COL26A1: variants seen among roughly 807,000 people sequenced by gnomAD.
The protein encoded by COL26A1 is collagen alpha-1(XXVI) chain.
COL26A1 carries 41 observed loss-of-function variants against 59.3 expected under a neutral mutation model. That is an observed-to-expected ratio of 0.69 (90% CI 0.54 to 0.90). The LOEUF (loss-of-function observed/expected upper bound fraction) is 0.90, where lower values mean the gene tolerates loss of function less well. Ranked by LOEUF, COL26A1 falls within the 40% of genes least tolerant of loss-of-function variation. The pLI is 0.00. For synonymous variants in COL26A1, 266 were observed against 256.0 expected, an observed-to-expected ratio of 1.04 and a Z score of -0.37; for missense variants, 612 against 602.3, an observed-to-expected ratio of 1.02 and a Z score of -0.17.
chr7:101,536,848 A>G (rs1165921723), intron 4 of COL26A1, among the ~76,000 whole-genome samples: 1 of 152,176 alleles, frequency 6.6e-6, no homozygotes, highest in African/African-American at 2.4e-5. Flanking sequence ...ATGCCTCATG[A>G]TTATAAAGTG....
chr7:101,413,568 A>G (rs556195879), intron 1 of COL26A1, among the ~76,000 whole-genome samples: 1 of 152,210 alleles, frequency 6.6e-6, no homozygotes, highest in East Asian at 1.9e-4. Context: ...AAAAGAAGAA[A>G]GAAAAGAAAA....
At chr7:101,362,666 G>T (rs1790916749), upstream of COL26A1, among the ~76,000 whole-genome samples, 1 of 152,224 alleles carries the variant, frequency 6.6e-6, no homozygotes, top group African/African-American at 2.4e-5. Flanking sequence ...AAGGTTCTAA[G>T]GTGTGTAGCG....
chr7:101,550,987 C>A, intron 9 of COL26A1, 121 bp from the exon 10 acceptor site: 2 of 1,158,234 alleles, frequency 1.7e-6, no homozygotes, highest in Non-Finnish European at 2.5e-6. Flanking sequence ...CCGGGCCATC[C>A]TCCTCTCCCT....
chr7:101,378,687 G>A (rs1441808476), intron 1 of COL26A1, among the ~76,000 whole-genome samples: 1 of 152,030 alleles, frequency 6.6e-6, no homozygotes, highest in African/African-American at 2.4e-5. Context: ...TTGCACTCAT[G>A]ACTGAGTGGT....
At chr7:101,458,895 G>A (rs1355030259) in intron 3 of COL26A1, among the ~76,000 whole-genome samples, 1 of 149,926 alleles carries the variant, frequency 6.7e-6, no homozygotes, top group Non-Finnish European at 1.5e-5. Flanking sequence ...TTGAACTCCT[G>A]GGCTCGAGCA....
chr7:101,444,528 C>A (rs1328438874), intron 2 of COL26A1, among the ~76,000 whole-genome samples: 2 of 151,530 alleles, frequency 1.3e-5, no homozygotes, highest in Admixed American at 1.3e-4. Flanking sequence ...GATTCTCCTG[C>A]GTCAACCTCC....
At chr7:101,487,841 G>T (rs1257811328) in intron 3 of COL26A1, among the ~76,000 whole-genome samples, 2 of 152,130 alleles carry the variant, frequency 1.3e-5, no homozygotes, top group Non-Finnish European at 2.9e-5. Flanking sequence ...TGATTTTCCA[G>T]ACCACAAAGT....
chr7:101,438,549 C>T (rs1228536146), intron 2 of COL26A1, among the ~76,000 whole-genome samples: 1 of 151,546 alleles, frequency 6.6e-6, no homozygotes, highest in African/African-American at 2.4e-5. Context: ...CACCTACCTG[C>T]CGCACAGTCT....
chr7:101,408,814 C>A (rs1219490780), intron 1 of COL26A1, among the ~76,000 whole-genome samples: 1 of 152,110 alleles, frequency 6.6e-6, no homozygotes, highest in Non-Finnish European at 1.5e-5. Context: ...GATCCCAACT[C>A]TCTCCTAAGA....
At chr7:101,534,271 A>G (rs114547265) in intron 4 of COL26A1, among the ~76,000 whole-genome samples, 18,611 of 142,328 alleles carry the variant, frequency 0.13, 1,488 homozygotes, top group African/African-American at 0.25. Context: ...GAGTGTGTGA[A>G]CAGGGCCACG....
chr7:101,523,550 G>A (rs1795181238), intron 3 of COL26A1, among the ~76,000 whole-genome samples: 1 of 152,012 alleles, frequency 6.6e-6, no homozygotes, highest in Non-Finnish European at 1.5e-5. Flanking sequence ...ATTGACTTTT[G>A]CACGTGGTAT....
At position 101,539,927 on chromosome 7, in the gene COL26A1, G is replaced by C; in HGVS notation, c.482G>C (p.Ser161Thr). The C allele has an allele frequency of 6.2e-7, 1 of 1,613,440 alleles. No individual in the cohort carries two copies. The highest frequency in any genetic ancestry group is 8.5e-7 in the Non-Finnish European group (1 of 1,179,702). The stretch of plus-strand genomic sequence containing the variant: ...CTAGAAGCAGCAGAACGGCCCTCCA[G>C]CCCGGACAACGACCTGCCAGCCCCC... The part of the protein sequence containing the change: ...LLLEAAERPS[S>T]PDNDLPAPES... The change falls in exon 5 of 13, where the codon AGC becomes ACC. Residue 161 changes from serine (S) to threonine (T), a missense_variant. By Grantham distance (58) the Ser-to-Thr change is moderately conservative (BLOSUM62 1). Coordinates refer to ENST00000313669, the MANE Select transcript of COL26A1 (RefSeq NM_001278563.3).
upstream of COL26A1, chr7:101,362,681 C>T: frequency 2.7e-6 from 1 of 366,950 alleles, no homozygotes; most frequent in South Asian, 3.5e-5. Flanking sequence ...GTAGCGGGGG[C>T]CTGGGCGCGA....
chr7:101,517,797 C>CCTT, intron 3 of COL26A1, among the ~76,000 whole-genome samples: 1 of 116,642 alleles, frequency 8.6e-6, no homozygotes, highest in Non-Finnish European at 1.8e-5. Flanking sequence ...CTTCTCCCCG[C>CCTT]ATTTTTTTTT....
chr7:101,367,694 A>G (rs1791083098), intron 1 of COL26A1, among the ~76,000 whole-genome samples: 1 of 150,328 alleles, frequency 6.7e-6, no homozygotes, highest in African/African-American at 2.4e-5. Context: ...AAAAAGAAGA[A>G]GAGAAATCAG....
intron 3 of COL26A1, among the ~76,000 whole-genome samples, chr7:101,504,653 G>A (rs1363459052): frequency 6.6e-6 from 1 of 152,160 alleles, no homozygotes; most frequent in African/African-American, 2.4e-5. Context: ...CCTTCTCCAG[G>A]GCACCCAGAG....
rs777241803 is a variant in COL26A1, at chr7:101,416,202, T to C, written c.159-3775T>C. On this transcript the variant is annotated intron_variant, in intron 1 of 12. Coordinates refer to ENST00000313669, the MANE Select transcript of COL26A1 (RefSeq NM_001278563.3). ...TGAGCCCAGGAGTTTGAGACCAGCC[T>C]GGGCAACATAGCTAGACCCTGTTTC... 1.1e-4 allele frequency among the ~76,000 whole-genome samples: 16 copies of C among 142,356 alleles called. 4 individuals carry two copies. Among genetic ancestry groups the C allele is most frequent in the Non-Finnish European group, 2.5e-4 (16 of 62,930 alleles). 93.4% of individuals were successfully genotyped at this position (142,356 alleles called of 152,430 possible).
chr7:101,437,254 G>A lies in COL26A1; in HGVS notation c.282-10430G>A, dbSNP rs558040895. On this transcript the variant is annotated intron_variant, in intron 2 of 12. Transcript: ENST00000313669. The stretch of plus-strand genomic sequence containing the variant: ...AGCTTGCTGTAGGGTGGAAGGGACC[G>A]AGTGTGGGCTAGTCAGGGTGGGCTT... Among the ~76,000 whole-genome samples the A allele has an allele frequency of 4.6e-5, 7 of 152,248 alleles. No individual in the cohort carries two copies. The South Asian group carries it at 6.2e-4, about 14-fold the overall frequency.
chr7:101,497,534 G>C (rs1225040170), intron 3 of COL26A1, among the ~76,000 whole-genome samples: 1 of 151,862 alleles, frequency 6.6e-6, no homozygotes, highest in Admixed American at 6.6e-5. Context: ...AAATTGGCCA[G>C]GTGTGGTGGT....
Sources: gnomAD v4.1 joint callset for allele counts (sites outside exome capture counted in the v4.1 genomes callset) on GRCh38, gnomAD v4.1.1 for gene constraint, MANE v1.5 for transcripts, NCBI Gene and HGNC (gene_info 2026-07-23, HGNC 2026-07-21) for gene names.